PLEKHA5: variants seen among roughly 807,000 people sequenced by gnomAD.
PLEKHA5 encodes the protein pleckstrin homology domain-containing family A member 5.
A neutral mutation model predicts 181.9 loss-of-function variants in PLEKHA5; 55 were observed. The observed-to-expected ratio is 0.30, with a 90% confidence interval of 0.24 to 0.38. PLEKHA5 has a LOEUF of 0.38. PLEKHA5 is among the 10% of genes least tolerant of loss of function. The pLI is 1.00. For missense variants in PLEKHA5, 1,432 were observed against 1,549.5 expected (o/e 0.92, Z 1.27); for synonymous variants, 535 against 529.4 (o/e 1.01, Z -0.15).
chr12:19,248,262 A>G lies in PLEKHA5; in HGVS notation c.228-5678A>G, dbSNP rs565893731. On this transcript the variant is annotated intron_variant, in intron 3 of 31. Transcript: ENST00000429027. ...GCCCAGACTTTAGTGCATTGGCACTATCTCAACTCACTGCAGCCTCTGCCT... is the reference window on the plus strand; with the variant it reads ...GCCCAGACTTTAGTGCATTGGCACTGTCTCAACTCACTGCAGCCTCTGCCT... Among the ~76,000 whole-genome samples the G allele has an allele frequency of 2.0e-5, 3 of 152,286 alleles. No individual in the cohort carries two copies. In the South Asian group the frequency reaches 6.2e-4, roughly 32 times the overall value.
rs74487962 is a variant in PLEKHA5, at chr12:19,194,492, C to T, written c.228-59448C>T. Among the ~76,000 whole-genome samples, 5 of 152,112 alleles carry T rather than the reference C, an allele frequency of 3.3e-5. No homozygotes were observed. In the East Asian group the frequency reaches 7.7e-4, roughly 24 times the overall value. ...GGGATTGCTAGATCACCTGGTAGTT[C>T]TATTTCTGGTTTATTGAGAAATCTT... On this transcript the variant is annotated intron_variant, in intron 3 of 31. Transcript: ENST00000429027.
At chr12:19,169,182 G>T (rs1325262056) in intron 3 of PLEKHA5, among the ~76,000 whole-genome samples, 1 of 151,944 alleles carries the variant, frequency 6.6e-6, no homozygotes, top group East Asian at 1.9e-4. Context: ...GACCCAGGTG[G>T]CTAACTTAAG....
intron 3 of PLEKHA5, among the ~76,000 whole-genome samples, chr12:19,138,651 C>G (rs1462245659): frequency 2.6e-5 from 4 of 151,686 alleles, no homozygotes; most frequent in African/African-American, 9.7e-5. Flanking sequence ...CTGGGCTGCC[C>G]TGGAACGACT....
At chr12:19,294,901 A>G (rs369226312) in intron 15 of PLEKHA5, among the ~76,000 whole-genome samples, 212 of 152,358 alleles carry the variant, frequency 1.4e-3, no homozygotes, top group Middle Eastern at 3.4e-3. Flanking sequence ...AGGATGAATC[A>G]TGTATTAAAG....
chr12:19,332,370 A>G (rs1312565013), intron 20 of PLEKHA5, among the ~76,000 whole-genome samples: 1 of 152,176 alleles, frequency 6.6e-6, no homozygotes. Context: ...CACACAGTTT[A>G]GGAGTTTAGC....
intron 21 of PLEKHA5, among the ~76,000 whole-genome samples, chr12:19,340,417 C>CACCTCT (rs2093782883): frequency 5.2e-5 from 7 of 135,434 alleles, no homozygotes; most frequent in African/African-American, 1.8e-4. Context: ...AGGTGAGGGG[C>CACCTCT]GCCTCTGCCC....
chr12:19,276,188 G>A (rs1331920212), intron 11 of PLEKHA5, among the ~76,000 whole-genome samples: 1 of 152,122 alleles, frequency 6.6e-6, no homozygotes, highest in African/African-American at 2.4e-5. Flanking sequence ...TTGTAACTGG[G>A]GAATCAATGA....
At chr12:19,341,825 A>C (rs1156607933) in intron 21 of PLEKHA5, among the ~76,000 whole-genome samples, 1 of 151,860 alleles carries the variant, frequency 6.6e-6, no homozygotes, top group East Asian at 1.9e-4. Context: ...CTCTTCCCCC[A>C]GGCTCAAGTG....
chr12:19,235,159 G>A (rs2061226153), intron 3 of PLEKHA5, among the ~76,000 whole-genome samples: 1 of 152,138 alleles, frequency 6.6e-6, no homozygotes, highest in Admixed American at 6.5e-5. Flanking sequence ...ATAGCAAACT[G>A]TGTTGGCTTG....
chr12:19,156,037 A>G (rs1030563171), intron 3 of PLEKHA5, among the ~76,000 whole-genome samples: 1 of 152,118 alleles, frequency 6.6e-6, no homozygotes, highest in African/African-American at 2.4e-5. Flanking sequence ...GCTTTTTGAG[A>G]GAATTATTTG....
At chr12:19,349,528 ACT>A (rs1394502197) in intron 25 of PLEKHA5, among the ~76,000 whole-genome samples, 1 of 152,024 alleles carries the variant, frequency 6.6e-6, no homozygotes, top group Non-Finnish European at 1.5e-5. Context: ...TGTAATGTAT[ACT>A]CTGATTTTTT....
At chr12:19,180,221 A>G (rs2048240438) in intron 3 of PLEKHA5, among the ~76,000 whole-genome samples, 1 of 152,202 alleles carries the variant, frequency 6.6e-6, no homozygotes, top group Admixed American at 6.5e-5. Context: ...CTTTGAGTCT[A>G]TAAAGGGATT....
At chr12:19,203,349 G>A (rs1359365801) in intron 3 of PLEKHA5, among the ~76,000 whole-genome samples, 2 of 152,034 alleles carry the variant, frequency 1.3e-5, no homozygotes, top group Non-Finnish European at 2.9e-5. Flanking sequence ...CTTGCCATCT[G>A]CTTCCAGATT....
chr12:19,200,234 A>T, intron 3 of PLEKHA5: 1 of 861,666 alleles, frequency 1.2e-6, no homozygotes, highest in Non-Finnish European at 1.8e-6. Flanking sequence ...CAAAAGTATC[A>T]CCCATCCCCC....
At chr12:19,318,056 G>A (rs2089571648) in intron 16 of PLEKHA5, among the ~76,000 whole-genome samples, 2 of 151,444 alleles carry the variant, frequency 1.3e-5, no homozygotes, top group South Asian at 2.1e-4. Context: ...CAGGGGTTGG[G>A]ATGAGGAGTC....
intron 30 of PLEKHA5, among the ~76,000 whole-genome samples, chr12:19,368,730 G>A (rs1032384757): frequency 6.6e-6 from 1 of 152,140 alleles, no homozygotes; most frequent in African/African-American, 2.4e-5. Context: ...GGCAGAGGTT[G>A]TGATGAGCCG....
At chr12:19,139,800 T>C (rs1288129439) in intron 3 of PLEKHA5, among the ~76,000 whole-genome samples, 4 of 152,250 alleles carry the variant, frequency 2.6e-5, no homozygotes, top group Non-Finnish European at 5.9e-5. Context: ...AATAGAGCAG[T>C]GTAAAGTCAC....
intron 3 of PLEKHA5, among the ~76,000 whole-genome samples, chr12:19,138,599 G>C (rs76938597): frequency 6.6e-6 from 1 of 151,278 alleles, no homozygotes; most frequent in East Asian, 1.9e-4. Context: ...GAAGATGCTA[G>C]TTTGAGTCAT....
intron 3 of PLEKHA5, chr12:19,147,162 C>G (rs368333380): frequency 5.3e-5 from 8 of 152,284 alleles, no homozygotes; most frequent in Admixed American, 2.0e-4. Flanking sequence ...TAGTCTTCCT[C>G]TTATATAGAT....
Sources: allele counts gnomAD v4.1 joint callset (sites outside exome capture counted in the v4.1 genomes callset), GRCh38; gene constraint gnomAD v4.1.1; transcripts MANE v1.5; gene names NCBI Gene and HGNC (gene_info 2026-07-23, HGNC 2026-07-21).